Variants in NEDD8 observed in about 807,000 individuals in gnomAD.
The protein encoded by NEDD8 is NEDD8 ubiquitin like modifier.
In NEDD8, 1 loss-of-function variant was observed where a neutral mutation model predicts 13.8. That is an observed-to-expected ratio of 0.07 (90% confidence interval 0.03 to 0.34). The LOEUF (loss-of-function observed/expected upper bound fraction) is 0.34, where lower values mean the gene tolerates loss of function less well. Among genes scored for constraint, NEDD8 ranks in the 10% least tolerant of loss-of-function variants. The pLI, the probability that NEDD8 is intolerant of heterozygous loss-of-function variation, is 0.99. For synonymous variants in NEDD8, 31 were observed against 33.2 expected, an observed-to-expected ratio of 0.93 and a Z score of 0.23; for missense variants, 10 against 95.2, an observed-to-expected ratio of 0.10 and a Z score of 3.73.
intron 1 of NEDD8, among the ~76,000 whole-genome samples, chr14:24,223,560 T>G (rs546622123): frequency 6.6e-6 from 1 of 152,038 alleles, no homozygotes; most frequent in African/African-American, 2.4e-5. Context: ...TATTTATTTA[T>G]TTATTTGAGA....
At chr14:24,217,675 AC>A (rs1231010788) in intron 3 of NEDD8, 5 of 167,682 alleles carry the variant, frequency 3.0e-5, no homozygotes, top group African/African-American at 1.2e-4. Flanking sequence ...ATTTTTACTA[AC>A]CCCCAACTGA....
At position 24,217,192 on chromosome 14, in the gene NEDD8, T is replaced by C; in HGVS notation, c.181A>G (p.Ile61Val). 3 of 1,613,520 alleles carry C rather than the reference T, an allele frequency of 1.9e-6. No individual in the cohort carries two copies. The highest frequency in any genetic ancestry group is 2.5e-6 in the Non-Finnish European group (3 of 1,179,816). ...NDEKTAADYK[I>V]LGGSVLHLVL... ...AGGTGAAGGACTGAACCACCTAAAA[T>C]CTTGTAATCAGCTGCTGTCTTCTCA... The change falls in exon 4 of 4, where the codon ATT becomes GTT. Residue 61 changes from isoleucine (I) to valine (V), a missense_variant. Ile to Val is a conservative substitution (Grantham distance 29). Transcript: ENST00000250495.
chr14:24,228,262 G>A (rs1354759007), intron 1 of NEDD8: 4 of 149,006 alleles, frequency 2.7e-5, no homozygotes, highest in Admixed American at 1.3e-4. Context: ...GTATGGTGGT[G>A]GGCACTTGTA....
intron 1 of NEDD8, 140 bp from the exon 2 acceptor site, chr14:24,218,571 G>A: frequency 1.7e-6 from 2 of 1,196,676 alleles, no homozygotes; most frequent in African/African-American, 3.0e-5. Flanking sequence ...TGGAGAATGA[G>A]AAGGCTTTGA....
At chr14:24,222,519 C>T (rs2138890097) in intron 1 of NEDD8, among the ~76,000 whole-genome samples, 1 of 152,110 alleles carries the variant, frequency 6.6e-6, no homozygotes, top group South Asian at 2.1e-4. Context: ...TGTGAATATG[C>T]TGTAATGAGA....
At chr14:24,223,133 A>G (rs1330709931) in intron 1 of NEDD8, among the ~76,000 whole-genome samples, 1 of 150,426 alleles carries the variant, frequency 6.6e-6, no homozygotes, top group Admixed American at 6.7e-5. Flanking sequence ...TGGGCATGGT[A>G]GCATATGCCT....
intron 1 of NEDD8, among the ~76,000 whole-genome samples, chr14:24,231,262 G>T (rs937746945): frequency 2.0e-5 from 3 of 151,878 alleles, no homozygotes; most frequent in Admixed American, 2.0e-4. Context: ...TATATAGGCC[G>T]CTACTCAACG....
intron 1 of NEDD8, among the ~76,000 whole-genome samples, chr14:24,229,212 A>C (rs2039948733): frequency 6.6e-6 from 1 of 151,936 alleles, no homozygotes; most frequent in Non-Finnish European, 1.5e-5. Context: ...TTTTTTGTTC[A>C]AACAGTTATT....
chr14:24,223,085 CAAA>C (rs71426836), intron 1 of NEDD8, among the ~76,000 whole-genome samples: 3 of 75,610 alleles, frequency 4.0e-5, no homozygotes, highest in African/African-American at 4.8e-5. Flanking sequence ...GACTGCATTT[CAAA>C]AAAAAAAAAA....
At chr14:24,217,270 GTTT>G (rs766763367) in intron 3 of NEDD8, 47 bp from the exon 4 acceptor site, 234 of 1,461,376 alleles carry the variant, frequency 1.6e-4, no homozygotes, top group Non-Finnish European at 1.9e-4. Context: ...AGACTTAGGA[GTTT>G]TTTGTTGTTG....
At chr14:24,228,741 AAG>A (rs1280142825) in intron 1 of NEDD8, 1 of 151,010 alleles carries the variant, frequency 6.6e-6, no homozygotes, top group East Asian at 1.9e-4. Context: ...AAAAAAAAAA[AAG>A]GAACTGTAAT....
intron 1 of NEDD8, among the ~76,000 whole-genome samples, chr14:24,224,084 C>G (rs927913149): frequency 6.6e-6 from 1 of 152,174 alleles, no homozygotes; most frequent in African/African-American, 2.4e-5. Flanking sequence ...CCCGCCACTA[C>G]GCCCAGGCTA....
intron 1 of NEDD8, among the ~76,000 whole-genome samples, chr14:24,219,475 CAAAAAAAAA>C (rs59964484): frequency 1.1e-3 from 37 of 33,380 alleles, no homozygotes; most frequent in Non-Finnish European, 1.7e-3. Flanking sequence ...AACACCCTCG[CAAAAAAAAA>C]AAAAAAAAAA....
chr14:24,227,329 G>A (rs1202868383), intron 1 of NEDD8: 1 of 152,266 alleles, frequency 6.6e-6, no homozygotes, highest in Admixed American at 6.5e-5. Flanking sequence ...GAAGGATCTG[G>A]GGTTAGGGAG....
At chr14:24,224,001 C>G (rs1043174030) in intron 1 of NEDD8, among the ~76,000 whole-genome samples, 3 of 152,154 alleles carry the variant, frequency 2.0e-5, no homozygotes, top group Non-Finnish European at 4.4e-5. Flanking sequence ...GATCTCGGCT[C>G]ACTGCAAGCT....
intron 1 of NEDD8, among the ~76,000 whole-genome samples, chr14:24,223,001 G>A (rs765359253): frequency 3.4e-5 from 5 of 146,870 alleles, no homozygotes; most frequent in African/African-American, 1.0e-4. Flanking sequence ...CAGGAGAATC[G>A]CCTGAACCCA....
intron 1 of NEDD8, among the ~76,000 whole-genome samples, chr14:24,223,723 T>C (rs2039844450): frequency 6.9e-6 from 1 of 145,000 alleles, no homozygotes; most frequent in South Asian, 2.1e-4. Context: ...TAATTCTTTT[T>C]TGGAAAAAAA....
intron 1 of NEDD8, among the ~76,000 whole-genome samples, chr14:24,231,077 G>A (rs1052735415): frequency 1.4e-4 from 21 of 151,986 alleles, no homozygotes; most frequent in Admixed American, 1.3e-4. Flanking sequence ...TTATTGTACA[G>A]GCAGGGTTTC....
intron 1 of NEDD8, 44 bp from the exon 2 acceptor site, chr14:24,218,475 C>CA: frequency 6.2e-7 from 1 of 1,614,078 alleles, no homozygotes; most frequent in South Asian, 1.1e-5. Flanking sequence ...GCCCAATGTA[C>CA]AATTTGTCTT....
Sources: allele counts gnomAD v4.1 joint callset (sites outside exome capture counted in the v4.1 genomes callset), GRCh38; gene constraint gnomAD v4.1.1; transcripts MANE v1.5; gene names NCBI Gene and HGNC (gene_info 2026-07-23, HGNC 2026-07-21).